Variants in ATP9A observed in about 807,000 individuals in gnomAD.
The protein encoded by ATP9A is probable phospholipid-transporting ATPase IIA.
A neutral mutation model predicts 144.1 loss-of-function variants in ATP9A; 52 were observed. The ratio of observed to expected loss-of-function variants is 0.36; its 90% confidence interval spans 0.29 to 0.45. The LOEUF is 0.45. Ranked by LOEUF, ATP9A falls within the 20% of genes least tolerant of loss-of-function variation. The pLI is 1.00. For missense variants in ATP9A, 947 were observed against 1,392.7 expected (o/e 0.68, Z 5.09); for synonymous variants, 582 against 557.4 (o/e 1.04, Z -0.62).
At chr20:51,691,408 G>T (rs1264509682) in intron 7 of ATP9A, among the ~76,000 whole-genome samples, 6 of 152,200 alleles carry the variant, frequency 3.9e-5, no homozygotes, top group Middle Eastern at 3.2e-3. Flanking sequence ...GGTGAAGGTT[G>T]CAGTAAGCTG....
At chr20:51,673,515 G>C (rs1196796313) in intron 11 of ATP9A, among the ~76,000 whole-genome samples, 2 of 152,146 alleles carry the variant, frequency 1.3e-5, no homozygotes, top group Non-Finnish European at 1.5e-5. Flanking sequence ...TTTGAGCCCA[G>C]ATGCAGGCTC....
chr20:51,653,326 T>A (rs2122765568), intron 14 of ATP9A, among the ~76,000 whole-genome samples: 1 of 151,910 alleles, frequency 6.6e-6, no homozygotes, highest in South Asian at 2.1e-4. Flanking sequence ...CATGAAAGAT[T>A]TATCCTCATG....
At chr20:51,719,174 A>G (rs1205702) in intron 3 of ATP9A, among the ~76,000 whole-genome samples, 1 of 151,206 alleles carries the variant, frequency 6.6e-6, no homozygotes, top group African/African-American at 2.4e-5. Flanking sequence ...TGGGGTCTGG[A>G]GCATTCCTTG....
intron 14 of ATP9A, among the ~76,000 whole-genome samples, chr20:51,650,325 G>A (rs1432886077): frequency 2.6e-5 from 4 of 152,122 alleles, no homozygotes; most frequent in Admixed American, 6.5e-5. Flanking sequence ...CACAAGGTCA[G>A]GAATTTGAGA....
At chr20:51,705,245 T>A (rs1156340191) in intron 4 of ATP9A, among the ~76,000 whole-genome samples, 2 of 152,294 alleles carry the variant, frequency 1.3e-5, no homozygotes, top group South Asian at 2.1e-4. Context: ...CATTCTTAGG[T>A]CTTGAAATTT....
intron 9 of ATP9A, among the ~76,000 whole-genome samples, chr20:51,682,794 T>C (rs1400905774): frequency 7.3e-6 from 1 of 137,630 alleles, no homozygotes; most frequent in Non-Finnish European, 1.5e-5. Context: ...GGTTTTACCA[T>C]GTTGGCCAGG....
intron 1 of ATP9A, among the ~76,000 whole-genome samples, chr20:51,732,186 G>A (rs1211048254): frequency 6.6e-6 from 1 of 152,062 alleles, no homozygotes; most frequent in South Asian, 2.1e-4. Flanking sequence ...CCCCAAAAAC[G>A]GCAGCTTGTC....
Position 51,607,655 on chromosome 20 carries a change from C to T in ATP9A, c.2746-71G>A, listed in dbSNP as rs553122035. The T allele has an allele frequency of 7.2e-6, 9 of 1,248,702 alleles. No homozygotes were observed. The East Asian group carries it at 9.4e-5, about 13-fold the overall frequency. 77.4% of individuals were successfully genotyped at this position (1,248,702 alleles called of 1,614,324 possible). ...TCACGCAGCATGCCATCAGCTTTCACGTTATTCTCCCGCTAACGAGATAAG... is the reference window on the plus strand; with the variant it reads ...TCACGCAGCATGCCATCAGCTTTCATGTTATTCTCCCGCTAACGAGATAAG... On this transcript the variant is annotated intron_variant, in intron 25 of 27. Transcript: ENST00000338821.
chr20:51,720,636 G>A (rs1162925520), intron 3 of ATP9A, among the ~76,000 whole-genome samples: 2 of 152,224 alleles, frequency 1.3e-5, no homozygotes, highest in Admixed American at 6.5e-5. Flanking sequence ...GAGTTTGATA[G>A]CAGCGTGGCC....
intron 1 of ATP9A, among the ~76,000 whole-genome samples, chr20:51,765,922 A>C (rs2077901984): frequency 6.6e-6 from 1 of 152,068 alleles, no homozygotes; most frequent in Non-Finnish European, 1.5e-5. Context: ...AAGGCATTGC[A>C]CTCCAGGCAA....
At chr20:51,604,738 T>C in intron 27 of ATP9A, 79 bp downstream of exon 27, 1 of 1,308,432 alleles carries the variant, frequency 7.6e-7, no homozygotes, top group Non-Finnish European at 1.0e-6. Flanking sequence ...GGAACCCCCC[T>C]TCCTTCATAC....
intron 14 of ATP9A, among the ~76,000 whole-genome samples, chr20:51,650,048 T>G (rs1018331549): frequency 6.6e-6 from 1 of 152,062 alleles, no homozygotes; most frequent in African/African-American, 2.4e-5. Flanking sequence ...GACAGGGTCT[T>G]GAAATACAGA....
chr20:51,725,057 G>C (rs62226699), intron 3 of ATP9A, among the ~76,000 whole-genome samples: 10,260 of 152,104 alleles, frequency 0.067, 787 homozygotes, highest in African/African-American at 0.19. Context: ...TGAGCATTTC[G>C]TTTGAGTCCC....
intron 1 of ATP9A, among the ~76,000 whole-genome samples, chr20:51,757,688 T>A (rs1484631800): frequency 2.0e-5 from 3 of 152,088 alleles, no homozygotes; most frequent in African/African-American, 4.8e-5. Context: ...GCGGACTGCT[T>A]TAGCTCAAGA....
At chr20:51,625,413 GCTGA>G in intron 17 of ATP9A, 51 bp from the exon 18 acceptor site, 3 of 1,563,078 alleles carry the variant, frequency 1.9e-6, no homozygotes, top group Non-Finnish European at 2.6e-6. Flanking sequence ...GAGAGGCCAG[GCTGA>G]CTGGCCAGTG....
chr20:51,718,315 A>C (rs974233088), intron 3 of ATP9A, among the ~76,000 whole-genome samples: 3 of 151,542 alleles, frequency 2.0e-5, no homozygotes, highest in African/African-American at 7.3e-5. Flanking sequence ...CCAGAATCAT[A>C]AATGGGATAT....
At chr20:51,749,026 A>C (rs1021859576) in intron 1 of ATP9A, among the ~76,000 whole-genome samples, 1 of 152,148 alleles carries the variant, frequency 6.6e-6, no homozygotes, top group African/African-American at 2.4e-5. Context: ...TGGCTAAACA[A>C]ACTACAGTAC....
intron 13 of ATP9A, among the ~76,000 whole-genome samples, chr20:51,665,724 CAA>C (rs34213354): frequency 2.6e-4 from 32 of 124,184 alleles, no homozygotes; most frequent in African/African-American, 3.0e-4. Flanking sequence ...GACTTCGTCT[CAA>C]AAAAAAAAAA....
chr20:51,620,321 C>A (rs1347035620), intron 19 of ATP9A, among the ~76,000 whole-genome samples: 1 of 152,080 alleles, frequency 6.6e-6, no homozygotes, highest in East Asian at 1.9e-4. Context: ...TCCCTGAATT[C>A]TAGAACAGAC....
Sources: allele counts gnomAD v4.1 joint callset (sites outside exome capture counted in the v4.1 genomes callset), GRCh38; gene constraint gnomAD v4.1.1; transcripts MANE v1.5; gene names NCBI Gene and HGNC (gene_info 2026-07-23, HGNC 2026-07-21).